Variants in TTBK1 observed in about 807,000 individuals in gnomAD.
TTBK1 encodes tau-tubulin kinase 1.
TTBK1 carries 34 observed loss-of-function variants against 108.5 expected under a neutral mutation model. That is an observed-to-expected ratio of 0.31 (90% CI 0.24 to 0.42). The LOEUF is 0.42. TTBK1 is among the 10% of genes least tolerant of loss of function. The pLI, the probability that TTBK1 is intolerant of heterozygous loss-of-function variation, is 1.00. For synonymous variants in TTBK1, 809 were observed against 795.1 expected (o/e 1.02, Z -0.29); for missense variants, 1,539 against 1,826.0 (o/e 0.84, Z 2.86).
rs1484541964 is a variant in TTBK1, at chr6:43,269,960, C to G, written c.1986+6610C>G. The G allele has an allele frequency of 9.8e-6, 14 of 1,435,020 alleles. No homozygotes were observed. Among genetic ancestry groups the G allele is most frequent in the Admixed American group, 2.8e-5 (1 of 36,110 alleles). 88.9% of individuals were successfully genotyped at this position (1,435,020 alleles called of 1,614,324 possible). ...TCACCCACAAGACCTAGGCTGGGCCCCCCCCCTCCTGGAGGGGGCAGGTGG... is the reference window on the plus strand; with the variant it reads ...TCACCCACAAGACCTAGGCTGGGCCGCCCCCCTCCTGGAGGGGGCAGGTGG... On this transcript the variant is annotated intron_variant, in intron 13 of 14. Coordinates refer to ENST00000259750, the MANE Select transcript of TTBK1 (RefSeq NM_032538.3). The surrounding 1 kb of genome is among the most constrained non-coding windows in gnomAD (Gnocchi z 4.8).
intron 2 of TTBK1, among the ~76,000 whole-genome samples, chr6:43,251,943 A>G (rs1054311274): frequency 1.3e-5 from 2 of 152,154 alleles, no homozygotes; most frequent in African/African-American, 4.8e-5. Flanking sequence ...TGCCAATCCC[A>G]GGAAGTGCCG....
chr6:43,249,232 C>G (rs560095411), intron 2 of TTBK1, among the ~76,000 whole-genome samples: 6 of 152,026 alleles, frequency 3.9e-5, no homozygotes, highest in African/African-American at 1.4e-4. Flanking sequence ...AGAAACTCAC[C>G]CCAGGTCACC....
intron 13 of TTBK1, chr6:43,270,873 G>T: frequency 1.0e-6 from 1 of 985,498 alleles, no homozygotes; most frequent in East Asian, 1.1e-4. Flanking sequence ...ACAAATCCCA[G>T]GCGGGAGCAG....
chr6:43,285,717 C>T lies in TTBK1; in HGVS notation c.*341C>T, dbSNP rs187734305. 5.8e-5 allele frequency: 11 copies of T among 189,178 alleles called. No homozygotes were observed. The East Asian group carries it at 1.4e-3, about 24-fold the overall frequency. The allele number at this position is 189,178 out of a possible 1,614,324, so 11.7% of individuals were successfully genotyped here. On this transcript the variant is annotated 3_prime_UTR_variant, in exon 15 of 15. Coordinates refer to ENST00000259750, the MANE Select transcript of TTBK1 (RefSeq NM_032538.3). The surrounding 1 kb of genome is among the most constrained non-coding windows in gnomAD (Gnocchi z 4.7). ...CCACTTTTCATCGAGGACTCCACTT[C>T]TGGGGACGCCTGGTTCGTTCGCCCA...
At chr6:43,245,491 C>T (rs1347468473) in intron 1 of TTBK1, among the ~76,000 whole-genome samples, 1 of 152,146 alleles carries the variant, frequency 6.6e-6, no homozygotes, top group Non-Finnish European at 1.5e-5. Context: ...CAAGAACACA[C>T]AGATACAGAG....
At position 43,287,521 on chromosome 6, in the gene TTBK1, AAAACCCAGTCTGCCCTTGGGATTCC is replaced by A. The variant is rs1402109305; in HGVS notation, c.*2151_*2175del. 6.6e-6 allele frequency: 1 copy of A among 152,372 alleles called. No individual in the cohort carries two copies. Among genetic ancestry groups the A allele is most frequent in the Admixed American group, 6.5e-5 (1 of 15,286 alleles). 9.4% of individuals were successfully genotyped at this position (152,372 alleles called of 1,614,324 possible). A position where few individuals can be genotyped will look rare whatever the true frequency, so the allele number is the denominator to read the frequency against. On this transcript the variant is annotated 3_prime_UTR_variant, in exon 15 of 15. Coordinates refer to ENST00000259750, the MANE Select transcript of TTBK1 (RefSeq NM_032538.3). This position sits in a 1 kb window ranked among gnomAD's most constrained non-coding sequence, Gnocchi z 4.1. ...TCAGCACTGGAGCTGGCAGAGACGC[AAAACCCAGTCTGCCCTTGGGATTCC>A]AAACCTCCCTAGGGCTCCCAACTGA...
rs374746727 is a variant in TTBK1 at position 43,273,574 on chromosome 6, G to A, written c.1987-9153G>A. ...GGTCCTAGGGGTCAGACTCACAGAC[G>A]GGGAAGACACTGGCATCTGTGAACA... On this transcript the variant is annotated intron_variant, in intron 13 of 14. Transcript: ENST00000259750. This position sits in a 1 kb window ranked among gnomAD's most constrained non-coding sequence, Gnocchi z 4.2. Among the ~76,000 whole-genome samples the A allele has an allele frequency of 2.6e-3, 392 of 151,322 alleles. 1 individual carries two copies. Among genetic ancestry groups the A allele is most frequent in the African/African-American group, 8.9e-3 (360 of 40,668 alleles).
In TTBK1 at chr6:43,255,131, G is replaced by A. The variant is rs114798112; in HGVS notation, c.642+17G>A. On this transcript the variant is annotated intron_variant, in intron 7 of 14. Transcript: ENST00000259750. ...AAGAACCGGGTGAGTGGCAAAGCCC[G>A]GGATGCAGGATGTGGAGGTGGGAGG... The A allele has an allele frequency of 1.3e-4, 203 of 1,612,492 alleles. No individual in the cohort carries two copies. The African/African-American group carries it at 2.3e-3, about 18-fold the overall frequency.
intron 2 of TTBK1, 66 bp downstream of exon 2, chr6:43,246,834 G>C (rs188389651): frequency 2.3e-6 from 3 of 1,324,224 alleles, no homozygotes; most frequent in Admixed American, 2.1e-5. Context: ...CTGGAGACTT[G>C]TTAAAACCGG....
intron 13 of TTBK1, among the ~76,000 whole-genome samples, chr6:43,267,787 C>G (rs925069590): frequency 1.3e-5 from 2 of 152,190 alleles, no homozygotes; most frequent in Non-Finnish European, 2.9e-5. Context: ...CCGGTTGTCT[C>G]TGACCGATAG....
Position 43,282,561 on chromosome 6 carries a change from G to C in TTBK1, c.1987-166G>C, listed in dbSNP as rs974225389. ...GAGACCATTCTAGGCCCTGGGGACA[G>C]AGCAGTGAACAAGACAGACCCAGTG... is the stretch of plus-strand genomic sequence containing the variant. On this transcript the variant is annotated intron_variant, in intron 13 of 14. Transcript: ENST00000259750. This position sits in a 1 kb window ranked among gnomAD's most constrained non-coding sequence, Gnocchi z 5.4. 1.3e-5 allele frequency among the ~76,000 whole-genome samples: 2 copies of C among 152,200 alleles called. No individual in the cohort carries two copies. Among genetic ancestry groups the C allele is most frequent in the African/African-American group, 2.4e-5 (1 of 41,450 alleles).
At position 43,259,636 on chromosome 6, in the gene TTBK1, C is replaced by T. The variant is rs772634574; in HGVS notation, c.1354C>T (p.Arg452Trp). 34 of 1,610,178 alleles carry T rather than the reference C, an allele frequency of 2.1e-5. No homozygotes were observed. The South Asian group carries it at 2.8e-4, about 13-fold the overall frequency. Residue 452 changes from arginine to tryptophan, a missense_variant, in exon 12 of 15, where the codon CGG becomes TGG. Physicochemically the swap from Arg to Trp is moderately radical, Grantham distance 101. This residue lies in a region of TTBK1 where 277 missense variants were observed against 332.4 expected (regional missense o/e 0.83). Transcript: ENST00000259750. The surrounding 1 kb of genome is among the most constrained non-coding windows in gnomAD (Gnocchi z 6.7). ...AACCCCAGTCCGTTCTCTGCGCTAC[C>T]GGAGGGTGAACAGCCCTGAGTCAGA... ...PTTPVRSLRY[R>W]RVNSPESERL...
rs745669399 is a variant in TTBK1, at chr6:43,283,395, C to T, written c.2655C>T (p.Gly885=). The T allele has an allele frequency of 6.2e-7, 1 of 1,610,672 alleles. No homozygotes were observed. The highest frequency in any genetic ancestry group is 1.1e-5 in the South Asian group (1 of 90,590). ...GCCAGCTGGACGTATCTGAGCCAGGCACCCTGTCCTCTGTCCTCAAGTCTG... is the reference window on the plus strand; with the variant it reads ...GCCAGCTGGACGTATCTGAGCCAGGTACCCTGTCCTCTGTCCTCAAGTCTG... The part of the protein sequence containing the change: ...TGSQLDVSEP[G]TLSSVLKSEP... The change falls in exon 14 of 15, where the codon GGC becomes GGT. Residue 885 remains glycine (G), a synonymous_variant. Transcript: ENST00000259750. This position sits in a 1 kb window ranked among gnomAD's most constrained non-coding sequence, Gnocchi z 8.1.
chr6:43,282,990 A>AGAAGAGGAGGAAGAGGAAGAGGAGGAG lies in TTBK1; in HGVS notation c.2255_2256insGGAGGAAGAGGAAGAGGAGGAGGAAGA (p.Glu763_Glu771dup). 2 of 1,049,946 alleles carry AGAAGAGGAGGAAGAGGAAGAGGAGGAG rather than the reference A, an allele frequency of 1.9e-6. No homozygotes were observed. Among genetic ancestry groups the AGAAGAGGAGGAAGAGGAAGAGGAGGAG allele is most frequent in the African/African-American group, 2.7e-5 (1 of 37,714 alleles). 65.0% of individuals were successfully genotyped at this position (1,049,946 alleles called of 1,614,324 possible). ...AGGAAGAGGAAGAAGAGGATGAGGA[A>AGAAGAGGAGGAAGAGGAAGAGGAGGAG]GAAGAAGAGGAGGAAGAGGAAGAGG... On this transcript the variant is annotated inframe_insertion, in exon 14 of 15. Transcript: ENST00000259750. The surrounding 1 kb of genome is among the most constrained non-coding windows in gnomAD (Gnocchi z 5.4).
intron 3 of TTBK1, 99 bp downstream of exon 3, chr6:43,252,985 G>T (rs147682808): frequency 1.4e-6 from 2 of 1,433,410 alleles, no homozygotes. Context: ...AGGAGATGTC[G>T]TGTGGTAGAG....
chr6:43,284,873 C>A, intron 14 of TTBK1, 110 bp from the exon 15 acceptor site: 1 of 1,390,286 alleles, frequency 7.2e-7, no homozygotes, highest in African/African-American at 1.5e-5. Context: ...TCAGTCTCAG[C>A]TCTGAGGATG....
chr6:43,269,766 G>C lies in TTBK1; in HGVS notation c.1986+6416G>C, dbSNP rs747857103. 5.0e-6 allele frequency: 8 copies of C among 1,587,718 alleles called. No individual in the cohort carries two copies. Among genetic ancestry groups the C allele is most frequent in the South Asian group, 1.1e-5 (1 of 88,802 alleles). Reference sequence around the variant, plus strand: ...GCATTACCCTCACCCCGGCGGCGGCGGCTCCTCGGGCTCCTCCGGTTCCCT... The same window carrying C: ...GCATTACCCTCACCCCGGCGGCGGCCGCTCCTCGGGCTCCTCCGGTTCCCT... On this transcript the variant is annotated intron_variant, in intron 13 of 14. Transcript: ENST00000259750. The surrounding 1 kb of genome is among the most constrained non-coding windows in gnomAD (Gnocchi z 4.8).
intron 2 of TTBK1, among the ~76,000 whole-genome samples, chr6:43,250,500 G>A (rs926164332): frequency 1.3e-5 from 2 of 151,906 alleles, no homozygotes; most frequent in Non-Finnish European, 2.9e-5. Flanking sequence ...GGGATTACAG[G>A]TGCCCGCCAC....
intron 13 of TTBK1, chr6:43,272,575 C>T: frequency 4.1e-6 from 4 of 985,410 alleles, no homozygotes; most frequent in Non-Finnish European, 4.8e-6. Flanking sequence ...TTTGTATATC[C>T]TCCATGGTGG....
Sources: gnomAD v4.1 joint callset for allele counts (sites outside exome capture counted in the v4.1 genomes callset) on GRCh38, gnomAD v4.1.1 for gene constraint, gnomAD v4.1.1 regional missense constraint, Gnocchi (gnomAD v3.1) non-coding constraint, MANE v1.5 for transcripts, NCBI Gene and HGNC (gene_info 2026-07-23, HGNC 2026-07-21) for gene names.